COL4A5: variants seen among roughly 807,000 people sequenced by gnomAD.
COL4A5 encodes collagen alpha-5(IV) chain.
Under a neutral mutation model 130.2 loss-of-function variants are expected in COL4A5, and 26 were observed. That is an observed-to-expected ratio of 0.20 (90% CI 0.15 to 0.28). The LOEUF is 0.28. COL4A5 is among the 10% of genes least tolerant of loss of function. The pLI is 1.00. For synonymous variants in COL4A5, 496 were observed against 439.6 expected (o/e 1.13, Z -1.60); for missense variants, 1,131 against 1,344.3 (o/e 0.84, Z 2.48).
At chrX:108,664,416 T>C (rs1325396850) in intron 37 of COL4A5, among the ~76,000 whole-genome samples, 2 of 111,241 alleles carry the variant, frequency 1.8e-5, no homozygotes, top group African/African-American at 6.5e-5. Context: ...GAAAAAAAAA[T>C]GTTTTTAATT....
chrX:108,485,783 C>T (rs1336186388), intron 1 of COL4A5, among the ~76,000 whole-genome samples: 3 of 110,461 alleles, frequency 2.7e-5, no homozygotes, highest in Admixed American at 9.7e-5. Flanking sequence ...GTTGAGGGAG[C>T]GGTGACACAA....
At chrX:108,453,037 G>A (rs776597251) in intron 1 of COL4A5, among the ~76,000 whole-genome samples, 4 of 111,101 alleles carry the variant, frequency 3.6e-5, no homozygotes, top group African/African-American at 1.3e-4. Context: ...TAGCCTGAAG[G>A]GTTGTTGAAT....
At chrX:108,664,634 A>G (rs1427630401) in intron 37 of COL4A5, among the ~76,000 whole-genome samples, 1 of 112,328 alleles carries the variant, frequency 8.9e-6, no homozygotes, top group African/African-American at 3.2e-5. Context: ...AGCCACAGAC[A>G]AGGAGAAAAT....
chrX:108,662,615 T>G (rs1199152046), intron 37 of COL4A5, among the ~76,000 whole-genome samples: 1 of 111,666 alleles, frequency 9.0e-6, no homozygotes, highest in Non-Finnish European at 1.9e-5. Context: ...CATTCACAAT[T>G]GCTACAAAGA....
At position 108,667,198 on chromosome X, in the gene COL4A5, A is replaced by G. The variant is rs777699351; in HGVS notation, c.3604+15A>G. The G allele has an allele frequency of 1.7e-6, 2 of 1,176,674 alleles. No individual in the cohort carries two copies. Among genetic ancestry groups the G allele is most frequent in the Non-Finnish European group, 2.3e-6 (2 of 863,462 alleles). Reference sequence around the variant, plus strand: ...AGGACTTTCTGGTAAACCTTAATAAAACATGCTAAATCAATCTATAATAAA... The same window carrying G: ...AGGACTTTCTGGTAAACCTTAATAAGACATGCTAAATCAATCTATAATAAA... On this transcript the variant is annotated intron_variant, in intron 40 of 52. Coordinates refer to ENST00000328300, the MANE Select transcript of COL4A5 (RefSeq NM_033380.3).
intron 10 of COL4A5, among the ~76,000 whole-genome samples, chrX:108,577,400 A>G (rs1169791888): frequency 3.7e-5 from 4 of 107,519 alleles, no homozygotes; most frequent in Admixed American, 1.0e-4. Flanking sequence ...AAAGAAAGAA[A>G]GAAAGAAAGA....
At chrX:108,533,601 A>T (rs992090119) in intron 1 of COL4A5, among the ~76,000 whole-genome samples, 20 of 111,065 alleles carry the variant, frequency 1.8e-4, no homozygotes, top group African/African-American at 5.5e-4. Context: ...TTCCAGGGGA[A>T]AACTCTCCTG....
chrX:108,606,859 C>T lies in COL4A5; in HGVS notation c.2362C>T (p.Arg788Cys), dbSNP rs762935451. The T allele has an allele frequency of 1.6e-5, 19 of 1,209,299 alleles. No homozygotes were observed. Among genetic ancestry groups the T allele is most frequent in the Middle Eastern group, 2.3e-4 (1 of 4,372 alleles). Residue 788 changes from arginine (R) to cysteine (C), a missense_variant, in exon 29 of 53, where the codon CGC (arginine) becomes TGC (cysteine). By Grantham distance (180) the Arg-to-Cys change is radical. Coordinates refer to ENST00000328300, the MANE Select transcript of COL4A5 (RefSeq NM_033380.3). ...CCCAGGACCTCCGGGTCCTCCAGGA[C>T]GCACTGGCTTAGATGGGCTCCCTGG... ...GFPGPPGPPG[R>C]TGLDGLPGPK...
intron 2 of COL4A5, among the ~76,000 whole-genome samples, chrX:108,547,202 C>T (rs962505204): frequency 8.9e-6 from 1 of 111,791 alleles, no homozygotes; most frequent in Non-Finnish European, 1.9e-5. Context: ...TTAGAATTTT[C>T]AGTTTTTCTG....
At chrX:108,639,337 A>G (rs974617921) in intron 36 of COL4A5, among the ~76,000 whole-genome samples, 1 of 111,176 alleles carries the variant, frequency 9.0e-6, no homozygotes, top group Non-Finnish European at 1.9e-5. Flanking sequence ...TATGCAGAAG[A>G]ATGGAGTTGA....
At chrX:108,460,739 C>G (rs2064640308) in intron 1 of COL4A5, among the ~76,000 whole-genome samples, 1 of 97,999 alleles carries the variant, frequency 1.0e-5, no homozygotes, top group African/African-American at 3.8e-5. Context: ...AACTCCTGAC[C>G]TCAAGTAATC....
chrX:108,536,585 A>G (rs1024175599), intron 1 of COL4A5, among the ~76,000 whole-genome samples: 3 of 111,374 alleles, frequency 2.7e-5, no homozygotes, highest in Non-Finnish European at 5.7e-5. Context: ...TTGTATTTTA[A>G]TCATGCTTAG....
At chrX:108,504,764 A>G (rs2065109832) in intron 1 of COL4A5, among the ~76,000 whole-genome samples, 1 of 112,259 alleles carries the variant, frequency 8.9e-6, no homozygotes, top group African/African-American at 3.2e-5. Context: ...GATGTAGTGA[A>G]AAGGGAACAC....
intron 19 of COL4A5, among the ~76,000 whole-genome samples, chrX:108,586,970 T>C (rs2066347201): frequency 9.4e-6 from 1 of 106,117 alleles, no homozygotes; most frequent in Admixed American, 9.8e-5. Context: ...AAGATTCCTA[T>C]TTCTACATTT....
rs1028874926 is a variant in COL4A5 at position 108,532,507 on chromosome X, A to G, written c.82-7239A>G. Among the ~76,000 whole-genome samples the G allele has an allele frequency of 4.5e-5, 5 of 111,865 alleles. No homozygotes were observed. In the Admixed American group the frequency reaches 4.8e-4, roughly 11 times the overall value. ...AAGAAAAGCTGAAATCCTTTCCTCTAAAAACTGGAACAAGACAAGGATGTT... is the reference window on the plus strand; with the variant it reads ...AAGAAAAGCTGAAATCCTTTCCTCTGAAAACTGGAACAAGACAAGGATGTT... On this transcript the variant is annotated intron_variant, in intron 1 of 52. Transcript: ENST00000328300.
At chrX:108,680,295 G>A (rs2068399251) in intron 44 of COL4A5, among the ~76,000 whole-genome samples, 1 of 111,638 alleles carries the variant, frequency 9.0e-6, no homozygotes, top group African/African-American at 3.3e-5. Flanking sequence ...AAGAACACAA[G>A]GTATGTGACA....
chrX:108,607,472 T>G (rs1391783618), intron 29 of COL4A5, among the ~76,000 whole-genome samples: 3 of 106,227 alleles, frequency 2.8e-5, no homozygotes, highest in Non-Finnish European at 5.8e-5. Flanking sequence ...TTTATTCTCC[T>G]TTCTTCCCCC....
chrX:108,574,783 TTTG>T (rs757140435), intron 9 of COL4A5, among the ~76,000 whole-genome samples: 1 of 110,918 alleles, frequency 9.0e-6, no homozygotes. Context: ...TTATGTGGTG[TTTG>T]TTGTTGTTGT....
chrX:108,607,971 T>C (rs1289373009), intron 29 of COL4A5, among the ~76,000 whole-genome samples: 3 of 111,944 alleles, frequency 2.7e-5, no homozygotes, highest in Non-Finnish European at 5.6e-5. Context: ...TTCATCCCAG[T>C]TGCTAGTTGC....
Sources: gnomAD v4.1 joint callset for allele counts (sites outside exome capture counted in the v4.1 genomes callset) on GRCh38, gnomAD v4.1.1 for gene constraint, MANE v1.5 for transcripts, NCBI Gene and HGNC (gene_info 2026-07-23, HGNC 2026-07-21) for gene names.